PDXDC1: variants seen among roughly 807,000 people sequenced by gnomAD.
PDXDC1 encodes the protein pyridoxal dependent decarboxylase domain containing 1, also known as pyridoxal-dependent decarboxylase domain-containing protein 1.
Under a neutral mutation model 100.1 loss-of-function variants are expected in PDXDC1, and 42 were observed. The ratio of observed to expected loss-of-function variants is 0.42; its 90% CI spans 0.33 to 0.54. The LOEUF (loss-of-function observed/expected upper bound fraction) is 0.54, where lower values mean the gene tolerates loss of function less well. Ranked by LOEUF, PDXDC1 falls within the 20% of genes least tolerant of loss-of-function variation. The probability of loss-of-function intolerance (pLI) is 0.10; values close to 1 mark genes in which losing one functional copy is unlikely to be tolerated. For missense variants in PDXDC1, 636 were observed against 979.2 expected (o/e 0.65, Z 4.68); for synonymous variants, 260 against 371.7 (o/e 0.70, Z 3.46).
At chr16:15,017,975 G>T (rs1245867328) in intron 11 of PDXDC1, among the ~76,000 whole-genome samples, 1 of 152,186 alleles carries the variant, frequency 6.6e-6, no homozygotes, top group East Asian at 1.9e-4. Context: ...TGTATTTTTA[G>T]TAGAGGCAGT....
At chr16:15,117,361 C>G (rs1230264107) in intron 16 of PDXDC1, among the ~76,000 whole-genome samples, 1 of 130,010 alleles carries the variant, frequency 7.7e-6, no homozygotes, top group Non-Finnish European at 1.6e-5. Flanking sequence ...TAAACTTACA[C>G]TTAAGGTTAT....
At position 14,999,567 on chromosome 16, in the gene PDXDC1, T is replaced by G. The variant is rs1262206331; in HGVS notation, c.161+1162T>G. On this transcript the variant is annotated intron_variant, in intron 3 of 22. Transcript: ENST00000396410. Reference sequence around the variant, plus strand: ...AATAAAATAAAAGTGATATACAAATTCATCATTATAACTGGTGTGTCATAC... The same window carrying G: ...AATAAAATAAAAGTGATATACAAATGCATCATTATAACTGGTGTGTCATAC... Among the ~76,000 whole-genome samples the G allele has an allele frequency of 2.0e-5, 3 of 152,234 alleles. No homozygotes were observed. The East Asian group carries it at 5.8e-4, about 29-fold the overall frequency.
the PDXDC1 span, among the ~76,000 whole-genome samples, chr16:15,148,370 A>ATTTTGTTT: frequency 2.9e-5 from 1 of 34,118 alleles, no homozygotes; most frequent in African/African-American, 1.2e-4. Context: ...AGATCCTGTG[A>ATTTTGTTT]TTTTTTTTTT....
intron 18 of PDXDC1, 85 bp downstream of exon 18, chr16:15,033,064 G>C: frequency 9.9e-7 from 1 of 1,014,586 alleles, no homozygotes; most frequent in South Asian, 1.3e-5. Context: ...ATCCCTTAGC[G>C]GGCTAGCGCC....
chr16:15,132,380 GAGGGGAGGGGTT>G (rs1652839189), intron 16 of PDXDC1, among the ~76,000 whole-genome samples: 1 of 82,604 alleles, frequency 1.2e-5, no homozygotes, highest in Non-Finnish European at 2.5e-5. Context: ...GAGGGAGGGG[GAGGGGAGGGGTT>G]AGGGGAGGGA....
intron 16 of PDXDC1, among the ~76,000 whole-genome samples, chr16:15,066,919 G>T (rs567617933): frequency 2.6e-5 from 4 of 151,770 alleles, no homozygotes; most frequent in African/African-American, 7.2e-5. Flanking sequence ...ACCCCAAATC[G>T]AGAGCCCCTG....
downstream of PDXDC1, among the ~76,000 whole-genome samples, chr16:15,141,914 T>TGCG (rs2048481600): frequency 6.6e-6 from 1 of 152,146 alleles, no homozygotes; most frequent in South Asian, 2.1e-4. Context: ...TTTCAGCGGC[T>TGCG]GCGGCGGCAG....
At chr16:15,061,041 T>C (rs3751877) in intron 16 of PDXDC1, 15,729 of 152,276 alleles carry the variant, frequency 0.1, 1,090 homozygotes, top group Admixed American at 0.21. Context: ...AATCCATTTT[T>C]TCGCTGTGCC....
intron 19 of PDXDC1, 41 bp from the exon 20 acceptor site, chr16:15,034,243 TGA>T (rs1462844255): frequency 3.8e-6 from 6 of 1,570,940 alleles, no homozygotes; most frequent in Admixed American, 3.3e-5. Flanking sequence ...GGGCCCCAGG[TGA>T]GAACCTTAAA....
chr16:15,102,423 T>A (rs1361646947), intron 16 of PDXDC1, among the ~76,000 whole-genome samples: 4 of 151,540 alleles, frequency 2.6e-5, no homozygotes, highest in African/African-American at 9.7e-5. Flanking sequence ...TAAGGGTCAA[T>A]GGGCAGACAT....
intron 16 of PDXDC1, among the ~76,000 whole-genome samples, chr16:15,057,541 A>G (rs1369061891): frequency 1.3e-5 from 2 of 152,236 alleles, no homozygotes; most frequent in African/African-American, 4.8e-5. Context: ...ACTGTACTGT[A>G]AACAACTCAT....
rs1458192180 is a variant in PDXDC1 at position 15,109,752 on chromosome 16, T to C, written c.1400-29127T>C. Among the ~76,000 whole-genome samples, 412 of 126,136 alleles carry C rather than the reference T, an allele frequency of 3.3e-3. 6 individuals carry two copies. Among genetic ancestry groups the C allele is most frequent in the African/African-American group, 0.01 (341 of 32,804 alleles). The allele number at this position is 126,136 out of a possible 152,430, so 82.8% of individuals were successfully genotyped here. ...CTGTAATCCAAGCTACTCGGGAAGC[T>C]GAGGCAGAATTGCTTCAAACTGGGA... On this transcript the variant is annotated intron_variant, in intron 16 of 16. Transcript: ENST00000535621.
At chr16:15,039,924 G>A (rs1567754137), downstream of PDXDC1, 1 of 1,036,762 alleles carries the variant, frequency 9.6e-7, no homozygotes, top group South Asian at 1.4e-5. Context: ...GACATTTGAT[G>A]CCTTTTTTTT....
rs2043524494 is a variant in PDXDC1, at chr16:15,037,403, G to A, written c.*1128G>A. The A allele has an allele frequency of 6.6e-6, 1 of 152,140 alleles. No homozygotes were observed. The highest frequency in any genetic ancestry group is 1.5e-5 in the Non-Finnish European group (1 of 68,058). The allele number at this position is 152,140 out of a possible 1,614,324, so 9.4% of individuals were successfully genotyped here. A position where few individuals can be genotyped will look rare whatever the true frequency, so the allele number is the denominator to read the frequency against. On this transcript the variant is annotated 3_prime_UTR_variant, in exon 23 of 23. Transcript: ENST00000396410. ...CTGGACTGTAGTATTGGAAGCCTTA[G>A]TTATAGTATATTAAGCCTATAATTA...
intron 16 of PDXDC1, among the ~76,000 whole-genome samples, chr16:15,072,569 G>C (rs1408433570): frequency 1.3e-5 from 2 of 152,098 alleles, no homozygotes; most frequent in Non-Finnish European, 2.9e-5. Context: ...TGCGGGGCAG[G>C]AGGCGGGCAG....
intron 1 of PDXDC1, among the ~76,000 whole-genome samples, chr16:14,977,818 A>G (rs1207512699): frequency 2.0e-5 from 3 of 152,280 alleles, no homozygotes; most frequent in African/African-American, 7.2e-5. Flanking sequence ...CTCAAGAGCT[A>G]TGTGAGCAGT....
chr16:14,986,964 C>T (rs1437072344), intron 1 of PDXDC1, among the ~76,000 whole-genome samples: 1 of 152,274 alleles, frequency 6.6e-6, no homozygotes, highest in Non-Finnish European at 1.5e-5. Context: ...CCAGGCTGGT[C>T]TCAAACTCTT....
At position 15,034,356 on chromosome 16, in the gene PDXDC1, G is replaced by T. The variant is rs1350610493; in HGVS notation, c.1883G>T (p.Ser628Ile). Residue 628 changes from serine to isoleucine, a missense_variant, in exon 20 of 23, where the codon AGT becomes ATT. By Grantham distance (142) the Ser-to-Ile change is moderately radical (BLOSUM62 -2). This residue lies in a region of PDXDC1 where 452 missense variants were observed against 402.9 expected (regional missense o/e 1.12). Transcript: ENST00000396410. ...GCTCAAGTGGAGCTGCAGAAGGCAA[G>T]TGAAGAACGGCTTCTGGAAGAGGTG... ...QEAQVELQKA[S>I]EERLLEEGVL... The T allele has an allele frequency of 6.2e-7, 1 of 1,613,400 alleles. No individual in the cohort carries two copies. Among genetic ancestry groups the T allele is most frequent in the Non-Finnish European group, 8.5e-7 (1 of 1,180,000 alleles).
chr16:15,106,484 G>A (rs1192858666), intron 16 of PDXDC1, among the ~76,000 whole-genome samples: 3 of 149,646 alleles, frequency 2.0e-5, no homozygotes, highest in East Asian at 1.9e-4. Context: ...AGCCGGTCAC[G>A]GTGGCTGATG....
Sources: gnomAD v4.1 joint callset for allele counts (sites outside exome capture counted in the v4.1 genomes callset) on GRCh38, gnomAD v4.1.1 for gene constraint, gnomAD v4.1.1 regional missense constraint, MANE v1.5 for transcripts, NCBI Gene and HGNC (gene_info 2026-07-23, HGNC 2026-07-21) for gene names.